SORL1: variants seen among roughly 807,000 people sequenced by gnomAD.
SORL1 encodes sortilin-related receptor.
SORL1 carries 127 observed loss-of-function variants against 273.7 expected under a neutral mutation model. That is an observed-to-expected ratio of 0.46 (90% confidence interval 0.40 to 0.54). The LOEUF is 0.54. Ranked by LOEUF, SORL1 falls within the 20% of genes least tolerant of loss-of-function variation. The probability of loss-of-function intolerance (pLI) is 0.00; values close to 1 mark genes in which losing one functional copy is unlikely to be tolerated. For missense variants in SORL1, 2,494 were observed against 2,846.1 expected, an observed-to-expected ratio of 0.88 and a Z score of 2.81; for synonymous variants, 1,031 against 1,067.4, an observed-to-expected ratio of 0.97 and a Z score of 0.66.
intron 25 of SORL1, among the ~76,000 whole-genome samples, chr11:121,581,287 C>T (rs1863011919): frequency 6.6e-6 from 1 of 152,238 alleles, no homozygotes; most frequent in South Asian, 2.1e-4. Flanking sequence ...TTCATCCATT[C>T]TACTCTGCTC....
chr11:121,537,710 G>A (rs1219761865), intron 12 of SORL1, among the ~76,000 whole-genome samples: 1 of 152,124 alleles, frequency 6.6e-6, no homozygotes, highest in African/African-American at 2.4e-5. Context: ...CATATCAAAA[G>A]GTGCTTCCAT....
At chr11:121,526,060 T>G (rs1862118657) in intron 11 of SORL1, among the ~76,000 whole-genome samples, 1 of 152,186 alleles carries the variant, frequency 6.6e-6, no homozygotes, top group Non-Finnish European at 1.5e-5. Context: ...AAAAACTAAT[T>G]TTAATAATTG....
chr11:121,488,046 C>T lies in SORL1; in HGVS notation c.543C>T (p.Asp181=), dbSNP rs149213223. 63 of 1,614,084 alleles carry T rather than the reference C, an allele frequency of 3.9e-5. No homozygotes were observed. In the Admixed American group the frequency reaches 4.7e-4, roughly 12 times the overall value. The change falls in exon 4 of 48, where the codon GAC becomes GAT. Residue 181 remains aspartate (D), a synonymous_variant. Coordinates refer to ENST00000260197, the MANE Select transcript of SORL1 (RefSeq NM_003105.6). The part of the protein sequence containing the change: ...PADNKRYIFA[D]AYAQYLWITF... ...TTCCCTTGCAGTACATCTTTGCAGA[C>T]GCTTATGCCCAGTACCTCTGGATCA...
In SORL1 at chr11:121,595,350, T is replaced by G. The variant is rs1863276765; in HGVS notation, c.4370-273T>G. ...GCCTCTTTAGTCACATACCGCTATC[T>G]GTCTTCTTTCCAGCTCCCAAATCTC... On this transcript the variant is annotated intron_variant, in intron 31 of 47. Transcript: ENST00000260197. The surrounding 1 kb of genome is among the most constrained non-coding windows in gnomAD (Gnocchi z 5.1). Among the ~76,000 whole-genome samples, 1 of 152,224 alleles carries G rather than the reference T, an allele frequency of 6.6e-6. No individual in the cohort carries two copies. Among genetic ancestry groups the G allele is most frequent in the Non-Finnish European group, 1.5e-5 (1 of 68,032 alleles).
At chr11:121,544,027 A>G (rs942880990) in intron 13 of SORL1, among the ~76,000 whole-genome samples, 4 of 152,154 alleles carry the variant, frequency 2.6e-5, no homozygotes, top group Admixed American at 6.5e-5. Flanking sequence ...ATATTTCCAA[A>G]TCAGCAGTGC....
chr11:121,546,952 T>C (rs1862435351), intron 14 of SORL1: 2 of 152,240 alleles, frequency 1.3e-5, no homozygotes, highest in Admixed American at 1.3e-4. Context: ...ATGCTGCTTA[T>C]CTGCACATTC....
At chr11:121,458,915 C>T (rs763713193) in intron 1 of SORL1, among the ~76,000 whole-genome samples, 2 of 152,158 alleles carry the variant, frequency 1.3e-5, no homozygotes, top group African/African-American at 2.4e-5. Flanking sequence ...GACTGCGTAA[C>T]GATCACAAGT....
intron 6 of SORL1, among the ~76,000 whole-genome samples, chr11:121,502,693 T>C (rs898595045): frequency 3.3e-5 from 5 of 152,236 alleles, no homozygotes; most frequent in African/African-American, 1.2e-4. Context: ...CTTTCTTGGA[T>C]GGATGTCTAT....
rs556288729 is a variant in SORL1 at position 121,472,616 on chromosome 11, T to C, written c.402+2493T>C. ...TTTGTCACCCTAAGTATTGCCAGTC[T>C]ATTGAAACCCAACTCTTGCTCTCTC... On this transcript the variant is annotated intron_variant, in intron 2 of 47. Coordinates refer to ENST00000260197, the MANE Select transcript of SORL1 (RefSeq NM_003105.6). Among the ~76,000 whole-genome samples the C allele has an allele frequency of 2.6e-5, 4 of 152,316 alleles. No individual in the cohort carries two copies. The South Asian group carries it at 8.3e-4, about 32-fold the overall frequency.
In SORL1 at chr11:121,619,985, G is replaced by A. The variant is rs1863699094; in HGVS notation, c.5889+68G>A. On this transcript the variant is annotated intron_variant, in intron 43 of 47. Transcript: ENST00000260197. Reference sequence around the variant, plus strand: ...CTGGTTAGGGTGGGGTGGGATGGAAGGGGATCCTCTAATGGGGCAAGAAAC... The same window carrying A: ...CTGGTTAGGGTGGGGTGGGATGGAAAGGGATCCTCTAATGGGGCAAGAAAC... 11 of 1,288,616 alleles carry A rather than the reference G, an allele frequency of 8.5e-6. No homozygotes were observed. The Middle Eastern group carries it at 1.1e-3, about 126-fold the overall frequency. 79.8% of individuals were successfully genotyped at this position (1,288,616 alleles called of 1,614,324 possible). A position where few individuals can be genotyped will look rare whatever the true frequency, so the allele number is the denominator to read the frequency against.
intron 1 of SORL1, among the ~76,000 whole-genome samples, chr11:121,468,579 C>A (rs1005104151): frequency 1.3e-5 from 2 of 152,168 alleles, no homozygotes; most frequent in Non-Finnish European, 2.9e-5. Flanking sequence ...TGCCACCATG[C>A]CTGGCTACTT....
chr11:121,633,172 A>T lies in SORL1; in HGVS notation c.*3609A>T, dbSNP rs1420305090. 6.6e-6 allele frequency: 1 copy of T among 152,234 alleles called. No homozygotes were observed. Among genetic ancestry groups the T allele is most frequent in the Non-Finnish European group, 1.5e-5 (1 of 68,044 alleles). The allele number at this position is 152,234 out of a possible 1,614,324, so 9.4% of individuals were successfully genotyped here. A position where few individuals can be genotyped will look rare whatever the true frequency, so the allele number is the denominator to read the frequency against. On this transcript the variant is annotated 3_prime_UTR_variant, in exon 48 of 48. Coordinates refer to ENST00000260197, the MANE Select transcript of SORL1 (RefSeq NM_003105.6). ...GATATGTACTGCTGGGTACATGGAC[A>T]GTAAGTGTGTTTTCAGATGGAGTAC...
At chr11:121,624,272 A>G (rs1863763446) in intron 45 of SORL1, among the ~76,000 whole-genome samples, 1 of 152,200 alleles carries the variant, frequency 6.6e-6, no homozygotes, top group South Asian at 2.1e-4. Context: ...AAGGGGGCCC[A>G]ATATGTGGCT....
intron 12 of SORL1, among the ~76,000 whole-genome samples, chr11:121,540,783 A>T (rs1862336851): frequency 1.3e-5 from 2 of 152,232 alleles, no homozygotes; most frequent in Non-Finnish European, 2.9e-5. Context: ...TTATTGTCAG[A>T]GTCCTCTGGG....
intron 12 of SORL1, among the ~76,000 whole-genome samples, chr11:121,541,099 T>C (rs1176868557): frequency 6.6e-6 from 1 of 152,246 alleles, no homozygotes; most frequent in East Asian, 1.9e-4. Context: ...TCTCCCCTTG[T>C]GAGAGATTTG....
chr11:121,627,237 T>C lies in SORL1; in HGVS notation c.6365-318T>C, dbSNP rs1216477407. On this transcript the variant is annotated intron_variant, in intron 46 of 47. Transcript: ENST00000260197. The surrounding 1 kb of genome is among the most constrained non-coding windows in gnomAD (Gnocchi z 4.9). The stretch of plus-strand genomic sequence containing the variant: ...GCAAGCAAGTGGTCTTAAGTAATAA[T>C]GCTAATGAAATCAATGTTGATACCC... The C allele has an allele frequency of 3.1e-6, 1 of 324,140 alleles. No individual in the cohort carries two copies. Among genetic ancestry groups the C allele is most frequent in the Non-Finnish European group, 5.8e-6 (1 of 172,698 alleles). The allele number at this position is 324,140 out of a possible 1,614,324, so 20.1% of individuals were successfully genotyped here. A position where few individuals can be genotyped will look rare whatever the true frequency, so the allele number is the denominator to read the frequency against.
At chr11:121,551,062 A>G (rs929257300) in intron 16 of SORL1, among the ~76,000 whole-genome samples, 6 of 152,262 alleles carry the variant, frequency 3.9e-5, no homozygotes, top group African/African-American at 1.4e-4. Context: ...TGTTAATTTT[A>G]TAATAAAACT....
intron 7 of SORL1, 94 bp from the exon 8 acceptor site, chr11:121,514,058 G>T: frequency 7.3e-7 from 1 of 1,377,022 alleles, no homozygotes; most frequent in South Asian, 1.4e-5. Context: ...TTCATCGCTA[G>T]AACATTTGAA....
At chr11:121,575,000 T>A (rs1386099012) in intron 24 of SORL1, among the ~76,000 whole-genome samples, 1 of 152,206 alleles carries the variant, frequency 6.6e-6, no homozygotes, top group East Asian at 1.9e-4. Flanking sequence ...TTATTAGAAG[T>A]TAGCAGATGG....
Sources: allele counts gnomAD v4.1 joint callset (sites outside exome capture counted in the v4.1 genomes callset), GRCh38; gene constraint gnomAD v4.1.1; non-coding constraint Gnocchi (gnomAD v3.1); transcripts MANE v1.5; gene names NCBI Gene and HGNC (gene_info 2026-07-23, HGNC 2026-07-21).